Variants in SLC14A2 observed in about 807,000 individuals in gnomAD.
The protein encoded by SLC14A2 is solute carrier family 14 member 2.
In SLC14A2, 91 loss-of-function variants were observed where a neutral mutation model predicts 104.6. The ratio of observed to expected loss-of-function variants is 0.87; its 90% CI spans 0.73 to 1.04. The LOEUF (loss-of-function observed/expected upper bound fraction) is 1.04. SLC14A2 is among the 50% of genes least tolerant of loss of function. The pLI, the probability that SLC14A2 is intolerant of heterozygous loss-of-function variation, is 0.00. For synonymous variants in SLC14A2, 476 were observed against 466.4 expected, an observed-to-expected ratio of 1.02 and a Z score of -0.27; for missense variants, 1,189 against 1,156.0, an observed-to-expected ratio of 1.03 and a Z score of -0.41.
chr18:45,339,792 A>G (rs565138827), intron 1 of SLC14A2, among the ~76,000 whole-genome samples: 4 of 152,326 alleles, frequency 2.6e-5, no homozygotes, highest in African/African-American at 7.2e-5. Flanking sequence ...GGCATAGTCC[A>G]TGGGTAGGGT....
chr18:45,242,963 C>T (rs529635015), intron 1 of SLC14A2, among the ~76,000 whole-genome samples: 1 of 152,264 alleles, frequency 6.6e-6, no homozygotes, highest in African/African-American at 2.4e-5. Context: ...TCTGAAAGTC[C>T]ATAATGAGAT....
At chr18:45,388,030 G>A (rs1486046854) in intron 1 of SLC14A2, among the ~76,000 whole-genome samples, 2 of 147,778 alleles carry the variant, frequency 1.4e-5, no homozygotes, top group Non-Finnish European at 3.0e-5. Flanking sequence ...GGAGGATGAA[G>A]TCCTGGATTG....
rs556264068 is a variant in SLC14A2, at chr18:45,489,099, A to G, written c.-35+5777A>G. ...TGATTATCCTACATGGTTCGATTCAAGTGGTGAGAAACATCATTGCCTTTC... is the reference window on the plus strand; with the variant it reads ...TGATTATCCTACATGGTTCGATTCAGGTGGTGAGAAACATCATTGCCTTTC... On this transcript the variant is annotated intron_variant, in intron 2 of 20. Transcript: ENST00000586448. Among the ~76,000 whole-genome samples the G allele has an allele frequency of 2.6e-5, 4 of 152,342 alleles. No homozygotes were observed. The East Asian group carries it at 7.7e-4, about 29-fold the overall frequency.
intron 1 of SLC14A2, among the ~76,000 whole-genome samples, chr18:45,369,801 G>A (rs914672089): frequency 1.3e-5 from 2 of 152,164 alleles, no homozygotes; most frequent in African/African-American, 2.4e-5. Context: ...GCAAACATGA[G>A]GACTCTTTGG....
intron 2 of SLC14A2, among the ~76,000 whole-genome samples, chr18:45,505,045 G>A (rs2043260042): frequency 6.6e-6 from 1 of 152,148 alleles, no homozygotes; most frequent in Non-Finnish European, 1.5e-5. Flanking sequence ...GGGCTAGAAA[G>A]AAAGAGAGTT....
chr18:45,595,520 AAC>A (rs1174822048), intron 2 of SLC14A2, among the ~76,000 whole-genome samples: 1 of 152,172 alleles, frequency 6.6e-6, no homozygotes. Context: ...CCATTAAGTA[AAC>A]TGGGGTACGC....
chr18:45,494,647 C>T (rs950757887), intron 2 of SLC14A2, among the ~76,000 whole-genome samples: 5 of 151,986 alleles, frequency 3.3e-5, no homozygotes, highest in Non-Finnish European at 7.4e-5. Flanking sequence ...GGTTGATCTG[C>T]CTGCCTCAGT....
At chr18:45,391,504 G>A (rs1225512537) in intron 1 of SLC14A2, among the ~76,000 whole-genome samples, 2 of 152,168 alleles carry the variant, frequency 1.3e-5, no homozygotes, top group Admixed American at 6.5e-5. Flanking sequence ...TCGCCCCACT[G>A]ACTTCCACAA....
chr18:45,618,177 G>A (rs970845291), intron 1 of SLC14A2, among the ~76,000 whole-genome samples: 1 of 152,188 alleles, frequency 6.6e-6, no homozygotes, highest in African/African-American at 2.4e-5. Context: ...ATCCAGAGGT[G>A]TTAAAGAATG....
intron 1 of SLC14A2, among the ~76,000 whole-genome samples, chr18:45,455,096 G>A (rs753603414): frequency 2.2e-4 from 33 of 152,154 alleles, no homozygotes; most frequent in Non-Finnish European, 4.3e-4. Flanking sequence ...ACTATGGGCA[G>A]TATGGCCATT....
At chr18:45,679,171 C>A (rs1568007678) in intron 19 of SLC14A2, 147 bp downstream of exon 19, 1 of 699,412 alleles carries the variant, frequency 1.4e-6, no homozygotes, top group East Asian at 2.8e-5. Context: ...ACTTCAGCAC[C>A]TGCTAGGCAG....
At chr18:45,566,513 T>TCACA (rs2044268304) in intron 2 of SLC14A2, among the ~76,000 whole-genome samples, 2 of 49,480 alleles carry the variant, frequency 4.0e-5, no homozygotes, top group Admixed American at 4.2e-4. Flanking sequence ...GCGCTCACGC[T>TCACA]CGCACACACA....
At chr18:45,244,876 A>G (rs987012561) in intron 1 of SLC14A2, among the ~76,000 whole-genome samples, 1 of 152,228 alleles carries the variant, frequency 6.6e-6, no homozygotes, top group Non-Finnish European at 1.5e-5. Flanking sequence ...TCATTCATCC[A>G]TCTGTCTATT....
At chr18:45,181,656 TAAAAG>T in the SLC14A2 span, among the ~76,000 whole-genome samples, 7 of 152,084 alleles carry the variant, frequency 4.6e-5, no homozygotes, top group East Asian at 1.3e-3. Context: ...AAACTAAAAT[TAAAAG>T]AAATTGCACA....
chr18:45,283,681 T>C (rs2084785684), intron 1 of SLC14A2, among the ~76,000 whole-genome samples: 1 of 152,246 alleles, frequency 6.6e-6, no homozygotes, highest in Non-Finnish European at 1.5e-5. Flanking sequence ...TGTTTGCTTC[T>C]TCCTCTTTCA....
the SLC14A2 span, among the ~76,000 whole-genome samples, chr18:45,197,883 T>C: frequency 6.6e-6 from 1 of 152,134 alleles, no homozygotes; most frequent in South Asian, 2.1e-4. Flanking sequence ...CCAGGGTAAA[T>C]TGGTGCCAAT....
intron 2 of SLC14A2, among the ~76,000 whole-genome samples, chr18:45,544,443 C>A (rs1374871311): frequency 2.6e-5 from 4 of 152,184 alleles, no homozygotes; most frequent in Non-Finnish European, 4.4e-5. Context: ...CTTTCAATTG[C>A]ATTCTTGTTT....
intron 1 of SLC14A2, among the ~76,000 whole-genome samples, chr18:45,218,700 A>G (rs1000025666): frequency 1.2e-4 from 19 of 152,208 alleles, no homozygotes; most frequent in Admixed American, 1.1e-3. Flanking sequence ...TTTCTTCTGC[A>G]AGTCTTTGAA....
intron 1 of SLC14A2, among the ~76,000 whole-genome samples, chr18:45,238,460 C>G (rs73425918): frequency 4.6e-5 from 7 of 152,294 alleles, no homozygotes; most frequent in Non-Finnish European, 1.0e-4. Context: ...CTCCCACATG[C>G]TCATGCTCCT....
Sources: gnomAD v4.1 joint callset for allele counts (sites outside exome capture counted in the v4.1 genomes callset) on GRCh38, gnomAD v4.1.1 for gene constraint, MANE v1.5 for transcripts, NCBI Gene and HGNC (gene_info 2026-07-23, HGNC 2026-07-21) for gene names.